Variants in PCDHGA4 observed in about 807,000 individuals in gnomAD.
PCDHGA4 encodes the protein protocadherin gamma subfamily A, 4, also known as protocadherin gamma-A4.
In PCDHGA4, 38 loss-of-function variants were observed where a neutral mutation model predicts 54.6. The ratio of observed to expected loss-of-function variants is 0.70; its 90% CI spans 0.54 to 0.91. The LOEUF (loss-of-function observed/expected upper bound fraction) is 0.91, where lower values mean the gene tolerates loss of function less well. Among genes scored for constraint, PCDHGA4 ranks in the 40% least tolerant of loss-of-function variants. PCDHGA4 has a pLI of 0.00. For synonymous variants in PCDHGA4, 511 were observed against 512.9 expected, an observed-to-expected ratio of 1.00 and a Z score of 0.05; for missense variants, 1,298 against 1,220.9, an observed-to-expected ratio of 1.06 and a Z score of -0.94.
intron 1 of PCDHGA4, chr5:141,409,079 T>C (rs2095221320): frequency 2.5e-6 from 4 of 1,613,908 alleles, no homozygotes; most frequent in Non-Finnish European, 3.4e-6. Context: ...ACATATGTTC[T>C]CATTGGATGA....
intron 1 of PCDHGA4, among the ~76,000 whole-genome samples, chr5:141,373,062 C>T (rs898228375): frequency 1.3e-5 from 2 of 152,140 alleles, no homozygotes; most frequent in African/African-American, 4.8e-5. Flanking sequence ...TAATCTGAAA[C>T]ATTTTTAATA....
At chr5:141,393,504 A>G (rs369406530) in intron 1 of PCDHGA4, 1 of 1,614,036 alleles carries the variant, frequency 6.2e-7, no homozygotes, top group African/African-American at 1.3e-5. Flanking sequence ...CATCCACGTG[A>G]CAGTGTTGGA....
intron 1 of PCDHGA4, among the ~76,000 whole-genome samples, chr5:141,436,613 A>C (rs1334315821): frequency 1.3e-5 from 2 of 152,206 alleles, no homozygotes; most frequent in Non-Finnish European, 2.9e-5. Flanking sequence ...AGGGCTAACA[A>C]AAATCTGATT....
chr5:141,476,553 A>G lies in PCDHGA4; in HGVS notation c.2515-18254A>G. On this transcript the variant is annotated intron_variant, in intron 1 of 3. Coordinates refer to ENST00000571252, the MANE Select transcript of PCDHGA4 (RefSeq NM_018917.4). The surrounding 1 kb of genome is among the most constrained non-coding windows in gnomAD (Gnocchi z 7.6). ...CAGGAAATGAAATTGGAGATTAGCG[A>G]GGCCGTGGCTCCGGGGACGCGCTTT... The G allele has an allele frequency of 1.2e-6, 2 of 1,614,226 alleles. No homozygotes were observed. The highest frequency in any genetic ancestry group is 1.7e-6 in the Non-Finnish European group (2 of 1,180,040).
chr5:141,477,553 A>T lies in PCDHGA4; in HGVS notation c.2515-17254A>T, dbSNP rs1478806410. 6.2e-7 allele frequency: 1 copy of T among 1,614,090 alleles called. No homozygotes were observed. Among genetic ancestry groups the T allele is most frequent in the Admixed American group, 1.7e-5 (1 of 60,028 alleles). On this transcript the variant is annotated intron_variant, in intron 1 of 3. Coordinates refer to ENST00000571252, the MANE Select transcript of PCDHGA4 (RefSeq NM_018917.4). The surrounding 1 kb of genome is among the most constrained non-coding windows in gnomAD (Gnocchi z 4.9). ...TCCCCGGGGCTCCAATACTAAACCT[A>T]AGTGTCTGGGACCCCGACGCCCCGC...
intron 1 of PCDHGA4, among the ~76,000 whole-genome samples, chr5:141,446,338 G>T (rs964323259): frequency 6.6e-6 from 1 of 152,128 alleles, no homozygotes; most frequent in African/African-American, 2.4e-5. Flanking sequence ...GGAACTGGAT[G>T]GACAAAGCTA....
At chr5:141,456,788 C>A (rs2098888156) in intron 1 of PCDHGA4, among the ~76,000 whole-genome samples, 1 of 152,088 alleles carries the variant, frequency 6.6e-6, no homozygotes, top group Admixed American at 6.5e-5. Flanking sequence ...CATGGCAAAA[C>A]CCCATCTCTA....
Position 141,476,708 on chromosome 5 carries a change from T to C in PCDHGA4, c.2515-18099T>C, listed in dbSNP as rs1205987380. The C allele has an allele frequency of 1.2e-6, 2 of 1,614,150 alleles. No homozygotes were observed. The highest frequency in any genetic ancestry group is 8.5e-7 in the Non-Finnish European group (1 of 1,180,024). ...CAGCACCAAGTACGCGGAGCTGGTG[T>C]TGGAGCGCGCCCTGGACCGAGAACG... On this transcript the variant is annotated intron_variant, in intron 1 of 3. Coordinates refer to ENST00000571252, the MANE Select transcript of PCDHGA4 (RefSeq NM_018917.4). The surrounding 1 kb of genome is among the most constrained non-coding windows in gnomAD (Gnocchi z 7.6).
intron 1 of PCDHGA4, among the ~76,000 whole-genome samples, chr5:141,444,735 C>G (rs924159168): frequency 6.6e-6 from 1 of 152,116 alleles, no homozygotes; most frequent in Admixed American, 6.5e-5. Flanking sequence ...TGTTGAAAGT[C>G]ATTTCACTGA....
At chr5:141,401,815 C>A (rs1217081146) in intron 1 of PCDHGA4, among the ~76,000 whole-genome samples, 1 of 152,184 alleles carries the variant, frequency 6.6e-6, no homozygotes, top group Non-Finnish European at 1.5e-5. Context: ...GGGTTCCTTA[C>A]AAAGTGCTGA....
In PCDHGA4 at chr5:141,378,672, A is replaced by T. The variant is rs367846333; in HGVS notation, c.2514+21051A>T. ...GTTAATGAGGTTCAAATAAAAATTTAAATATTTTAGCATTTTAACCCAGAC... is the reference window on the plus strand; with the variant it reads ...GTTAATGAGGTTCAAATAAAAATTTTAATATTTTAGCATTTTAACCCAGAC... On this transcript the variant is annotated intron_variant, in intron 1 of 3. Coordinates refer to ENST00000571252, the MANE Select transcript of PCDHGA4 (RefSeq NM_018917.4). The T allele has an allele frequency of 1.8e-4, 28 of 152,392 alleles. 3 individuals are homozygous for T. Among genetic ancestry groups the T allele is most frequent in the Admixed American group, 1.5e-3 (23 of 15,312 alleles). 9.4% of individuals were successfully genotyped at this position (152,392 alleles called of 1,614,324 possible). A position where few individuals can be genotyped will look rare whatever the true frequency, so the allele number is the denominator to read the frequency against.
rs776550132 is a variant in PCDHGA4, at chr5:141,394,056, G to A, written c.2514+36435G>A. 6 of 1,613,616 alleles carry A rather than the reference G, an allele frequency of 3.7e-6. No homozygotes were observed. The African/African-American group carries it at 5.3e-5, about 14-fold the overall frequency. On this transcript the variant is annotated intron_variant, in intron 1 of 3. Coordinates refer to ENST00000571252, the MANE Select transcript of PCDHGA4 (RefSeq NM_018917.4). ...AAGGAAATATTTGGACCGAGAAAAT[G>A]TCTCTATCTACAATATCACAGTGAT...
At chr5:141,438,232 GT>G (rs531572606) in intron 1 of PCDHGA4, among the ~76,000 whole-genome samples, 207 of 152,154 alleles carry the variant, frequency 1.4e-3, no homozygotes, top group Middle Eastern at 0.01. Flanking sequence ...TCAGGAAAAT[GT>G]TTTTAAAAAA....
chr5:141,430,577 C>A, intron 1 of PCDHGA4: 1 of 464,652 alleles, frequency 2.2e-6, no homozygotes. Context: ...AAGCGGAGAT[C>A]CTGCTCGCCT....
chr5:141,426,094 G>C (rs2096914562), intron 1 of PCDHGA4, among the ~76,000 whole-genome samples: 1 of 152,350 alleles, frequency 6.6e-6, no homozygotes, highest in African/African-American at 2.4e-5. Flanking sequence ...ACGATATTCT[G>C]TTCAGTCACA....
At chr5:141,403,979 A>G in intron 1 of PCDHGA4, 1 of 1,613,932 alleles carries the variant, frequency 6.2e-7, no homozygotes, top group Non-Finnish European at 8.5e-7. Context: ...TGTAAATGAC[A>G]ATAGACCTGA....
intron 1 of PCDHGA4, chr5:141,410,439 G>A (rs775594110): frequency 3.1e-6 from 5 of 1,614,006 alleles, no homozygotes; most frequent in Admixed American, 3.3e-5. Context: ...TACAGTGAGG[G>A]GACTTTGCCT....
intron 1 of PCDHGA4, chr5:141,375,921 A>G: frequency 6.2e-7 from 1 of 1,613,712 alleles, no homozygotes; most frequent in Admixed American, 1.7e-5. Context: ...AAGGCCAGCG[A>G]GCCAGGACTT....
At chr5:141,464,443 T>G (rs903733972) in intron 1 of PCDHGA4, among the ~76,000 whole-genome samples, 1 of 151,634 alleles carries the variant, frequency 6.6e-6, no homozygotes, top group African/African-American at 2.4e-5. Context: ...ATGTTTGTTG[T>G]TGTTGTTGTT....
Sources: gnomAD v4.1 joint callset for allele counts (sites outside exome capture counted in the v4.1 genomes callset) on GRCh38, gnomAD v4.1.1 for gene constraint, Gnocchi (gnomAD v3.1) non-coding constraint, MANE v1.5 for transcripts, NCBI Gene and HGNC (gene_info 2026-07-23, HGNC 2026-07-21) for gene names.